AIG1: variants seen among roughly 807,000 people sequenced by gnomAD.
The protein encoded by AIG1 is androgen-induced gene 1 protein.
A neutral mutation model predicts 31.4 loss-of-function variants in AIG1; 23 were observed. That is an observed-to-expected ratio of 0.73 (90% CI 0.53 to 1.04). The LOEUF (loss-of-function observed/expected upper bound fraction) is 1.04. Among genes scored for constraint, AIG1 ranks in the 50% least tolerant of loss-of-function variants. The pLI, the probability that AIG1 is intolerant of heterozygous loss-of-function variation, is 0.00. For missense variants in AIG1, 274 were observed against 295.0 expected (o/e 0.93, Z 0.52); for synonymous variants, 100 against 110.5 (o/e 0.90, Z 0.60).
intron 4 of AIG1, among the ~76,000 whole-genome samples, chr6:143,295,680 G>C (rs938186285): frequency 7.9e-5 from 12 of 152,004 alleles, no homozygotes; most frequent in Admixed American, 5.2e-4. Context: ...TCTCGGGGAA[G>C]CCCTCTCTGA....
chr6:143,236,359 G>A (rs564122858), intron 3 of AIG1, among the ~76,000 whole-genome samples: 2 of 152,356 alleles, frequency 1.3e-5, no homozygotes, highest in South Asian at 4.1e-4. Flanking sequence ...CCATCTGTTG[G>A]TAATTTGTCG....
At chr6:143,216,473 C>T (rs1317821553) in intron 3 of AIG1, among the ~76,000 whole-genome samples, 1 of 152,174 alleles carries the variant, frequency 6.6e-6, no homozygotes, top group African/African-American at 2.4e-5. Flanking sequence ...TTTCAGGCTG[C>T]CTGGATGATA....
In AIG1 at chr6:143,100,974, C is replaced by T. The variant is rs529419710; in HGVS notation, c.142-35861C>T. On this transcript the variant is annotated intron_variant, in intron 1 of 5. Coordinates refer to ENST00000357847, the MANE Select transcript of AIG1 (RefSeq NM_016108.4). Reference sequence around the variant, plus strand: ...TGCTGGGATTACAGGCCTGAGCCACCGTGCCCAGCCTATTCTCTTATATAA... The same window carrying T: ...TGCTGGGATTACAGGCCTGAGCCACTGTGCCCAGCCTATTCTCTTATATAA... 1.6e-4 allele frequency among the ~76,000 whole-genome samples: 25 copies of T among 152,246 alleles called. 1 individual carries two copies. Among genetic ancestry groups the T allele is most frequent in the Admixed American group, 1.3e-3 (20 of 15,296 alleles).
At chr6:143,269,757 T>C (rs1796378698) in intron 3 of AIG1, among the ~76,000 whole-genome samples, 1 of 152,212 alleles carries the variant, frequency 6.6e-6, no homozygotes, top group African/African-American at 2.4e-5. Flanking sequence ...TATACAAATG[T>C]AAACATCGGC....
In AIG1 at chr6:143,333,103, G is replaced by A. The variant is rs987621011; in HGVS notation, c.516-179G>A. On this transcript the variant is annotated intron_variant, in intron 4 of 5. Coordinates refer to ENST00000357847, the MANE Select transcript of AIG1 (RefSeq NM_016108.4). The surrounding 1 kb of genome is among the most constrained non-coding windows in gnomAD (Gnocchi z 4.6). ...GTCTAAAATTATTTCAGAATAAAAA[G>A]TAAATGAAAATAAACAGCAACCAAG... Among the ~76,000 whole-genome samples, 1 of 152,212 alleles carries A rather than the reference G, an allele frequency of 6.6e-6. No homozygotes were observed. Among genetic ancestry groups the A allele is most frequent in the African/African-American group, 2.4e-5 (1 of 41,454 alleles).
chr6:143,343,568 G>A (rs1777899486), downstream of AIG1, among the ~76,000 whole-genome samples: 1 of 152,060 alleles, frequency 6.6e-6, no homozygotes, highest in Admixed American at 6.6e-5. Flanking sequence ...TAGTTGTGAC[G>A]TAAAGGTTTA....
chr6:143,276,657 A>C (rs1204590515), intron 3 of AIG1, among the ~76,000 whole-genome samples: 1 of 152,048 alleles, frequency 6.6e-6, no homozygotes, highest in African/African-American at 2.4e-5. Context: ...TTCTGGAGAA[A>C]CAGAAACTAT....
intron 3 of AIG1, among the ~76,000 whole-genome samples, chr6:143,178,899 C>A (rs946539718): frequency 7.2e-5 from 11 of 152,018 alleles, no homozygotes; most frequent in African/African-American, 2.7e-4. Context: ...CTGGGAGAGA[C>A]ATAAGAAATT....
At chr6:143,304,172 C>T (rs1376122851) in intron 4 of AIG1, among the ~76,000 whole-genome samples, 1 of 152,056 alleles carries the variant, frequency 6.6e-6, no homozygotes, top group African/African-American at 2.4e-5. Context: ...CATCTACAAA[C>T]AGGGACAATT....
chr6:143,151,818 C>G (rs927585914), intron 2 of AIG1, among the ~76,000 whole-genome samples: 1 of 152,154 alleles, frequency 6.6e-6, no homozygotes, highest in Non-Finnish European at 1.5e-5. Context: ...GAAGGGAAGC[C>G]GAATTCTGGG....
intron 3 of AIG1, among the ~76,000 whole-genome samples, chr6:143,183,410 GGCCT>G (rs1788929285): frequency 6.6e-6 from 1 of 152,116 alleles, no homozygotes; most frequent in Admixed American, 6.5e-5. Flanking sequence ...TGGCCAGGAT[GGCCT>G]CAATCTCCTG....
At chr6:143,232,392 G>A (rs1793503060) in intron 3 of AIG1, among the ~76,000 whole-genome samples, 1 of 152,164 alleles carries the variant, frequency 6.6e-6, no homozygotes, top group African/African-American at 2.4e-5. Context: ...ATGAAGTGCG[G>A]TTCTTAGTCA....
In AIG1 at chr6:143,335,270, A is replaced by G. The variant is rs1222411328; in HGVS notation, c.679+1825A>G. The G allele has an allele frequency of 1.1e-5, 6 of 542,852 alleles. No individual in the cohort carries two copies. The Admixed American group carries it at 2.7e-4, about 25-fold the overall frequency. 33.6% of individuals were successfully genotyped at this position (542,852 alleles called of 1,614,324 possible). A position where few individuals can be genotyped will look rare whatever the true frequency, so the allele number is the denominator to read the frequency against. Reference sequence around the variant, plus strand: ...TGATTTTGGCTGGGCGCAGTGGCTCATGCCTGTAATCCCGGCACTTTGGGA... The same window carrying G: ...TGATTTTGGCTGGGCGCAGTGGCTCGTGCCTGTAATCCCGGCACTTTGGGA... On this transcript the variant is annotated intron_variant, in intron 5 of 5. Transcript: ENST00000357847.
At chr6:143,289,611 A>C in intron 4 of AIG1, among the ~76,000 whole-genome samples, 2 of 152,270 alleles carry the variant, frequency 1.3e-5, no homozygotes, top group South Asian at 4.1e-4. Context: ...TCAAAATTCT[A>C]TCTCCCACAA....
chr6:143,318,167 CAA>C (rs1055054542), intron 4 of AIG1, among the ~76,000 whole-genome samples: 1 of 150,896 alleles, frequency 6.6e-6, no homozygotes, highest in African/African-American at 2.4e-5. Context: ...CATATGAAAC[CAA>C]AAAAATGCAA....
At position 143,329,217 on chromosome 6, in the gene AIG1, G is replaced by A. The variant is rs1187485475; in HGVS notation, c.516-4065G>A. Reference sequence around the variant, plus strand: ...TCAATTCCATTTTGGAGACAATATTGAATGCCTCATTTAGGGAAGCAAGTC... The same window carrying A: ...TCAATTCCATTTTGGAGACAATATTAAATGCCTCATTTAGGGAAGCAAGTC... On this transcript the variant is annotated intron_variant, in intron 4 of 5. Transcript: ENST00000357847. The surrounding 1 kb of genome is among the most constrained non-coding windows in gnomAD (Gnocchi z 4.9). Among the ~76,000 whole-genome samples the A allele has an allele frequency of 2.0e-5, 3 of 152,184 alleles. No homozygotes were observed. The highest frequency in any genetic ancestry group is 4.4e-5 in the Non-Finnish European group (3 of 68,020).
chr6:143,105,315 G>T (rs113816926), intron 1 of AIG1, among the ~76,000 whole-genome samples: 15 of 152,214 alleles, frequency 9.9e-5, no homozygotes, highest in African/African-American at 3.6e-4. Flanking sequence ...TCAGAAGCGG[G>T]TGTGAGTAGT....
chr6:143,183,352 C>T (rs1214161981), intron 3 of AIG1, among the ~76,000 whole-genome samples: 2 of 152,174 alleles, frequency 1.3e-5, no homozygotes, highest in African/African-American at 4.8e-5. Context: ...TGCACCACCA[C>T]ACACAGCTAA....
rs948305357 is a variant in AIG1, at chr6:143,279,004, A to T, written c.400-5106A>T. Among the ~76,000 whole-genome samples, 1 of 152,226 alleles carries T rather than the reference A, an allele frequency of 6.6e-6. No homozygotes were observed. The highest frequency in any genetic ancestry group is 1.5e-5 in the Non-Finnish European group (1 of 68,044). On this transcript the variant is annotated intron_variant, in intron 3 of 5. Coordinates refer to ENST00000357847, the MANE Select transcript of AIG1 (RefSeq NM_016108.4). The surrounding 1 kb of genome is among the most constrained non-coding windows in gnomAD (Gnocchi z 5.4). Reference sequence around the variant, plus strand: ...GTGAATTGGGTGAGAACTTTAAAAAAAAAATCAAGTAGCATGAACGGGGCC... The same window carrying T: ...GTGAATTGGGTGAGAACTTTAAAAATAAAATCAAGTAGCATGAACGGGGCC...
Sources: gnomAD v4.1 joint callset for allele counts (sites outside exome capture counted in the v4.1 genomes callset) on GRCh38, gnomAD v4.1.1 for gene constraint, Gnocchi (gnomAD v3.1) non-coding constraint, MANE v1.5 for transcripts, NCBI Gene and HGNC (gene_info 2026-07-23, HGNC 2026-07-21) for gene names.